The following TNR variants were observed in gnomAD, a reference collection of about 807,000 sequenced individuals.
TNR encodes the protein tenascin-R.
A neutral mutation model predicts 150.4 loss-of-function variants in TNR; 45 were observed. The observed-to-expected ratio is 0.30, with a 90% CI of 0.24 to 0.38. TNR has a LOEUF of 0.38. Among genes scored for constraint, TNR ranks in the 10% least tolerant of loss-of-function variants. The pLI is 1.00. For missense variants in TNR, 1,544 were observed against 1,759.1 expected (o/e 0.88, Z 2.19); for synonymous variants, 687 against 678.4 (o/e 1.01, Z -0.20).
At chr1:175,667,940 C>T (rs960357572) in intron 1 of TNR, among the ~76,000 whole-genome samples, 11 of 152,196 alleles carry the variant, frequency 7.2e-5, no homozygotes, top group Non-Finnish European at 1.6e-4. Context: ...CCTTGCTACT[C>T]AAAGTGTAGC....
intron 1 of TNR, among the ~76,000 whole-genome samples, chr1:175,594,228 T>C (rs1409234744): frequency 2.0e-5 from 3 of 147,922 alleles, no homozygotes; most frequent in Admixed American, 6.6e-5. Flanking sequence ...GTAGGAATTA[T>C]GCCTCTGAGC....
chr1:175,337,596 G>A lies in TNR; in HGVS notation c.3466C>T (p.Leu1156Phe), dbSNP rs768664919. 6.2e-7 allele frequency: 1 copy of A among 1,614,160 alleles called. No individual in the cohort carries two copies. The highest frequency in any genetic ancestry group is 8.5e-7 in the Non-Finnish European group (1 of 1,180,016). Residue 1156 changes from leucine to phenylalanine, a missense_variant, in exon 19 of 23, where the codon CTC (leucine) becomes TTC (phenylalanine). By Grantham distance (22) the Leu-to-Phe change is conservative. Coordinates refer to ENST00000367674, the MANE Select transcript of TNR (RefSeq NM_003285.3). ...DTLSGVYPIF[L>F]NGELSQKLQV... The stretch of plus-strand genomic sequence containing the variant: ...AATTTCTGGCTCAGCTCCCCATTGA[G>A]GAAGATGGGGTAAACCCCACTCAAA...
intron 2 of TNR, among the ~76,000 whole-genome samples, chr1:175,515,507 C>T (rs1272988506): frequency 6.6e-6 from 1 of 152,168 alleles, no homozygotes; most frequent in African/African-American, 2.4e-5. Flanking sequence ...CATTCTAGTG[C>T]AAGGAACAAC....
Position 175,403,458 on chromosome 1 carries a change from T to G in TNR, c.658A>C (p.Ile220Leu). 6.2e-7 allele frequency: 1 copy of G among 1,614,210 alleles called. No individual in the cohort carries two copies. Among genetic ancestry groups the G allele is most frequent in the Non-Finnish European group, 8.5e-7 (1 of 1,180,040 alleles). Reference sequence around the variant, plus strand: ...TCCCCGCTGTACTCGCTGTCACAGATGCACTGGCCATCCACACACACCCCC... The same window carrying G: ...TCCCCGCTGTACTCGCTGTCACAGAGGCACTGGCCATCCACACACACCCCC... ...SRGVCVDGQC[I>L]CDSEYSGDDC... Residue 220 changes from isoleucine (I) to leucine (L), a missense_variant, in exon 4 of 23, where the codon ATC becomes CTC. Around this residue, in one of 2 missense-constraint regions of TNR, gnomAD observed 1,254 missense variants for 1,329.4 expected, o/e 0.94. Transcript: ENST00000367674.
intron 1 of TNR, among the ~76,000 whole-genome samples, chr1:175,683,223 C>T (rs1666092973): frequency 6.6e-6 from 1 of 152,206 alleles, no homozygotes; most frequent in Non-Finnish European, 1.5e-5. Flanking sequence ...ACACAACACA[C>T]ACACAGCTTA....
intron 2 of TNR, 130 bp downstream of exon 2, chr1:175,528,139 C>T (rs1659921814): frequency 6.6e-6 from 1 of 152,204 alleles, no homozygotes; most frequent in Non-Finnish European, 1.5e-5. Context: ...CACCTCATTT[C>T]AAGGAGACTA....
At chr1:175,733,129 C>T (rs969303160) in intron 1 of TNR, among the ~76,000 whole-genome samples, 3 of 152,220 alleles carry the variant, frequency 2.0e-5, no homozygotes, top group Non-Finnish European at 2.9e-5. Flanking sequence ...TTCCCTCTCG[C>T]AGGCTTTTGC....
At chr1:175,506,762 C>T (rs1182634648) in intron 2 of TNR, among the ~76,000 whole-genome samples, 1 of 152,238 alleles carries the variant, frequency 6.6e-6, no homozygotes, top group Non-Finnish European at 1.5e-5. Flanking sequence ...AGCAAACAAA[C>T]ACAATCATCA....
rs184750660 is a variant in TNR, at chr1:175,737,942, C to T, written c.-165+5284G>A. ...GAGACGTGCTCCCCAAGGGTGAGGG[C>T]TGCACCTCTTCCTGCCTGCTAGTAC... is the stretch of plus-strand genomic sequence containing the variant. On this transcript the variant is annotated intron_variant, in intron 1 of 22. Coordinates refer to ENST00000367674, the MANE Select transcript of TNR (RefSeq NM_003285.3). Among the ~76,000 whole-genome samples, 22 of 152,308 alleles carry T rather than the reference C, an allele frequency of 1.4e-4. No individual in the cohort carries two copies. In the East Asian group the frequency reaches 3.3e-3, roughly 23 times the overall value.
chr1:175,607,242 A>G (rs1458523603), intron 1 of TNR, among the ~76,000 whole-genome samples: 1 of 152,220 alleles, frequency 6.6e-6, no homozygotes, highest in African/African-American at 2.4e-5. Flanking sequence ...TAGAGGTCAC[A>G]TGACAAGCTT....
At chr1:175,648,267 A>G (rs937317340) in intron 1 of TNR, among the ~76,000 whole-genome samples, 1 of 152,114 alleles carries the variant, frequency 6.6e-6, no homozygotes, top group African/African-American at 2.4e-5. Context: ...CTTTTTATCT[A>G]TAGTAAGCAC....
intron 1 of TNR, among the ~76,000 whole-genome samples, chr1:175,669,711 A>C (rs149204292): frequency 6.2e-4 from 94 of 152,344 alleles, no homozygotes; most frequent in African/African-American, 2.2e-3. Context: ...AAGATCTTTC[A>C]TGCAGAATCA....
chr1:175,684,537 A>G (rs1666130435), intron 1 of TNR, among the ~76,000 whole-genome samples: 1 of 152,242 alleles, frequency 6.6e-6, no homozygotes, highest in Non-Finnish European at 1.5e-5. Flanking sequence ...ATAACTGAAC[A>G]ACGTTACACA....
chr1:175,468,024 G>C (rs1030872098), intron 2 of TNR, among the ~76,000 whole-genome samples: 1 of 152,218 alleles, frequency 6.6e-6, no homozygotes, highest in Non-Finnish European at 1.5e-5. Context: ...AGCAGAGAAA[G>C]CTTATGCTCA....
At chr1:175,529,608 C>G (rs1659985934) in intron 1 of TNR, among the ~76,000 whole-genome samples, 1 of 152,202 alleles carries the variant, frequency 6.6e-6, no homozygotes, top group Non-Finnish European at 1.5e-5. Context: ...CAATTCTAAT[C>G]TGGCTGCTCA....
At chr1:175,600,844 G>A (rs1663205646) in intron 1 of TNR, among the ~76,000 whole-genome samples, 1 of 152,178 alleles carries the variant, frequency 6.6e-6, no homozygotes, top group Non-Finnish European at 1.5e-5. Flanking sequence ...AGAAAACAAA[G>A]CATGACATTT....
chr1:175,350,240 ACTT>A (rs974073256), intron 18 of TNR, among the ~76,000 whole-genome samples: 3 of 152,172 alleles, frequency 2.0e-5, no homozygotes, highest in African/African-American at 7.2e-5. Context: ...ATAAAAGAAA[ACTT>A]CTTATTATCC....
At chr1:175,348,475 C>A (rs1432392614) in intron 18 of TNR, among the ~76,000 whole-genome samples, 1 of 152,044 alleles carries the variant, frequency 6.6e-6, no homozygotes, top group Non-Finnish European at 1.5e-5. Flanking sequence ...GGTAAGTCAA[C>A]CTCGAAATGA....
At chr1:175,736,876 C>G (rs1667786419) in intron 1 of TNR, among the ~76,000 whole-genome samples, 1 of 151,906 alleles carries the variant, frequency 6.6e-6, no homozygotes, top group Non-Finnish European at 1.5e-5. Context: ...AAAAAATTAG[C>G]TGGGCATGTA....
Sources: gnomAD v4.1 joint callset for allele counts (sites outside exome capture counted in the v4.1 genomes callset) on GRCh38, gnomAD v4.1.1 for gene constraint, gnomAD v4.1.1 regional missense constraint, MANE v1.5 for transcripts, NCBI Gene and HGNC (gene_info 2026-07-23, HGNC 2026-07-21) for gene names.